The following SLC35F3 variants were observed in gnomAD, a reference collection of about 807,000 sequenced individuals.
SLC35F3 encodes the protein putative thiamine transporter SLC35F3.
SLC35F3 carries 25 observed loss-of-function variants against 49.9 expected under a neutral mutation model. The ratio of observed to expected loss-of-function variants is 0.50; its 90% CI spans 0.37 to 0.70. SLC35F3 has a LOEUF of 0.70. SLC35F3 is among the 30% of genes least tolerant of loss of function. The pLI is 0.00. For synonymous variants in SLC35F3, 275 were observed against 265.4 expected (o/e 1.04, Z -0.35); for missense variants, 525 against 639.8 (o/e 0.82, Z 1.94).
intron 3 of SLC35F3, among the ~76,000 whole-genome samples, chr1:234,266,681 G>A (rs575552892): frequency 1.1e-4 from 16 of 152,152 alleles, no homozygotes; most frequent in African/African-American, 3.1e-4. Context: ...CTAATTGTTC[G>A]TAGGCTGCAA....
At chr1:234,266,394 C>A (rs1210269798) in intron 3 of SLC35F3, among the ~76,000 whole-genome samples, 9 of 152,152 alleles carry the variant, frequency 5.9e-5, no homozygotes, top group Non-Finnish European at 8.8e-5. Flanking sequence ...TTTGTGCCCA[C>A]CAGAATGGCA....
chr1:234,103,840 G>T (rs184412113), intron 2 of SLC35F3, among the ~76,000 whole-genome samples: 1 of 152,262 alleles, frequency 6.6e-6, no homozygotes, highest in East Asian at 1.9e-4. Context: ...CCAATGAAAT[G>T]GGATTGGAAG....
chr1:234,068,981 AC>A (rs1405994097), intron 2 of SLC35F3, among the ~76,000 whole-genome samples: 1 of 124,968 alleles, frequency 8.0e-6, no homozygotes, highest in African/African-American at 3.2e-5. Context: ...ATATAATTTT[AC>A]TACATATAAT....
chr1:234,047,894 G>A (rs536906809), intron 2 of SLC35F3, among the ~76,000 whole-genome samples: 1 of 152,252 alleles, frequency 6.6e-6, no homozygotes, highest in South Asian at 2.1e-4. Context: ...GAATTGAAGA[G>A]AAAGCCTCCA....
chr1:234,313,956 C>T (rs1009561015), intron 4 of SLC35F3, among the ~76,000 whole-genome samples: 1 of 152,218 alleles, frequency 6.6e-6, no homozygotes, highest in African/African-American at 2.4e-5. Context: ...AGGCACAGGG[C>T]ACGTTCCAAC....
chr1:234,127,361 T>C (rs1665664792), intron 2 of SLC35F3, among the ~76,000 whole-genome samples: 1 of 152,236 alleles, frequency 6.6e-6, no homozygotes, highest in African/African-American at 2.4e-5. Context: ...GTCTCTATCA[T>C]GTCATTGCAC....
At chr1:234,167,514 T>G (rs1033567411) in intron 2 of SLC35F3, among the ~76,000 whole-genome samples, 1 of 152,336 alleles carries the variant, frequency 6.6e-6, no homozygotes, top group Admixed American at 6.5e-5. Context: ...TACTGTATTT[T>G]GATTTAACCT....
chr1:234,270,402 C>A (rs1162768901), intron 3 of SLC35F3, among the ~76,000 whole-genome samples: 1 of 152,206 alleles, frequency 6.6e-6, no homozygotes, highest in African/African-American at 2.4e-5. Context: ...GTTATCTTAT[C>A]TTCTCAGAAA....
chr1:234,104,666 A>G (rs1176689822), intron 2 of SLC35F3, among the ~76,000 whole-genome samples: 7 of 152,256 alleles, frequency 4.6e-5, no homozygotes, highest in Admixed American at 1.3e-4. Context: ...TCAAAATACA[A>G]TTGCCTAAGT....
intron 3 of SLC35F3, among the ~76,000 whole-genome samples, chr1:234,286,911 T>C (rs1197361440): frequency 1.3e-5 from 2 of 152,226 alleles, no homozygotes; most frequent in South Asian, 2.1e-4. Flanking sequence ...TGCTTATGCC[T>C]GTAATCCTAG....
intron 2 of SLC35F3, among the ~76,000 whole-genome samples, chr1:234,058,707 A>G (rs1322943640): frequency 6.6e-6 from 1 of 152,184 alleles, no homozygotes; most frequent in Non-Finnish European, 1.5e-5. Flanking sequence ...AAGAAGTATC[A>G]TTCTATAGTT....
intron 2 of SLC35F3, among the ~76,000 whole-genome samples, chr1:233,995,933 C>G (rs1663452544): frequency 6.6e-6 from 1 of 152,194 alleles, no homozygotes; most frequent in Non-Finnish European, 1.5e-5. Context: ...ATTAGCATAG[C>G]TTGAGAGAAG....
At chr1:234,004,953 C>G (rs1663607609) in intron 2 of SLC35F3, among the ~76,000 whole-genome samples, 1 of 151,950 alleles carries the variant, frequency 6.6e-6, no homozygotes, top group Non-Finnish European at 1.5e-5. Context: ...AAGCAATAAT[C>G]TTTAGATAAA....
intron 2 of SLC35F3, among the ~76,000 whole-genome samples, chr1:234,119,832 G>A (rs751910090): frequency 4.6e-5 from 7 of 152,156 alleles, no homozygotes; most frequent in Admixed American, 1.3e-4. Flanking sequence ...CTTCCATCAC[G>A]CAGCAATATG....
intron 2 of SLC35F3, among the ~76,000 whole-genome samples, chr1:234,221,556 G>A (rs1007172202): frequency 2.6e-5 from 4 of 152,092 alleles, no homozygotes; most frequent in Non-Finnish European, 5.9e-5. Context: ...ATCGTTTGCC[G>A]CAAATGATGG....
chr1:233,925,460 G>GC (rs1182357233), intron 2 of SLC35F3, among the ~76,000 whole-genome samples: 15 of 152,072 alleles, frequency 9.9e-5, no homozygotes, highest in Middle Eastern at 3.4e-3. Flanking sequence ...TGCAACCCCT[G>GC]CTTTTTTTTT....
intron 2 of SLC35F3, among the ~76,000 whole-genome samples, chr1:234,230,856 A>G (rs943844412): frequency 3.3e-5 from 5 of 152,234 alleles, no homozygotes; most frequent in African/African-American, 4.8e-5. Context: ...TACGTACAAA[A>G]TAAGAGGAGA....
At chr1:234,113,170 G>C (rs1665434117) in intron 2 of SLC35F3, among the ~76,000 whole-genome samples, 1 of 152,200 alleles carries the variant, frequency 6.6e-6, no homozygotes, top group African/African-American at 2.4e-5. Context: ...ATGAGCCCCT[G>C]ATAATTTCCA....
intron 2 of SLC35F3, among the ~76,000 whole-genome samples, chr1:233,984,765 A>G (rs138712708): frequency 2.6e-4 from 39 of 152,312 alleles, no homozygotes; most frequent in Non-Finnish European, 3.8e-4. Flanking sequence ...GCTGAGGTCT[A>G]CAGGCCAGTG....
Sources: gnomAD v4.1 joint callset for allele counts (sites outside exome capture counted in the v4.1 genomes callset) on GRCh38, gnomAD v4.1.1 for gene constraint, MANE v1.5 for transcripts, NCBI Gene and HGNC (gene_info 2026-07-23, HGNC 2026-07-21) for gene names.